Variants in PTPRD observed in about 807,000 individuals in gnomAD.
The protein encoded by PTPRD is protein tyrosine phosphatase receptor type D.
In PTPRD, 34 loss-of-function variants were observed where a neutral mutation model predicts 214.5. The observed-to-expected ratio is 0.16, with a 90% confidence interval of 0.12 to 0.21. PTPRD has a LOEUF of 0.21. Ranked by LOEUF, PTPRD falls within the 10% of genes least tolerant of loss-of-function variation. PTPRD has a pLI of 1.00. For missense variants in PTPRD, 2,545 were observed against 2,398.7 expected, an observed-to-expected ratio of 1.06 and a Z score of -1.27; for synonymous variants, 1,128 against 845.7, an observed-to-expected ratio of 1.33 and a Z score of -5.79.
intron 2 of PTPRD, among the ~76,000 whole-genome samples, chr9:10,580,393 A>T (rs2071309681): frequency 6.6e-6 from 1 of 152,194 alleles, no homozygotes; most frequent in Non-Finnish European, 1.5e-5. Context: ...TTCATCCTTA[A>T]TGTAAAGTAT....
At chr9:9,515,147 G>C (rs1382629118) in intron 8 of PTPRD, among the ~76,000 whole-genome samples, 1 of 152,058 alleles carries the variant, frequency 6.6e-6, no homozygotes, top group Non-Finnish European at 1.5e-5. Context: ...GTGGGTTATT[G>C]TTATTGACCG....
At chr9:9,373,762 G>A (rs961564681) in intron 9 of PTPRD, among the ~76,000 whole-genome samples, 4 of 152,058 alleles carry the variant, frequency 2.6e-5, no homozygotes, top group African/African-American at 9.7e-5. Context: ...GCAAAGATTT[G>A]ACTATGCAGG....
chr9:8,891,399 T>G (rs890547975), intron 11 of PTPRD, among the ~76,000 whole-genome samples: 5 of 151,908 alleles, frequency 3.3e-5, no homozygotes, highest in Admixed American at 2.0e-4. Flanking sequence ...CCCAAAGTGC[T>G]GGGATTACAG....
intron 11 of PTPRD, among the ~76,000 whole-genome samples, chr9:8,868,155 A>T (rs754069933): frequency 1.3e-5 from 2 of 152,088 alleles, no homozygotes; most frequent in Non-Finnish European, 2.9e-5. Context: ...TACTAGCTGA[A>T]CTGGATTCTC....
intron 8 of PTPRD, among the ~76,000 whole-genome samples, chr9:9,520,226 A>T (rs868557365): frequency 6.0e-5 from 9 of 149,064 alleles, no homozygotes; most frequent in South Asian, 2.1e-4. Flanking sequence ...AGAGCACATA[A>T]TTTTTTTGTA....
intron 8 of PTPRD, among the ~76,000 whole-genome samples, chr9:9,456,477 G>A (rs980615305): frequency 6.6e-6 from 1 of 151,772 alleles, no homozygotes. Flanking sequence ...TTTATTCATG[G>A]CTTCCCTGTT....
chr9:9,775,533 G>C (rs1274405300), intron 5 of PTPRD, among the ~76,000 whole-genome samples: 5 of 152,194 alleles, frequency 3.3e-5, no homozygotes, highest in African/African-American at 9.6e-5. Flanking sequence ...GGAGAGAAGA[G>C]TAGTAGATAA....
intron 3 of PTPRD, among the ~76,000 whole-genome samples, chr9:10,191,242 T>C (rs1394595758): frequency 1.3e-5 from 2 of 152,062 alleles, no homozygotes; most frequent in Non-Finnish European, 2.9e-5. Flanking sequence ...AATTTTTACC[T>C]CTGAGAAATA....
intron 10 of PTPRD, among the ~76,000 whole-genome samples, chr9:9,026,818 C>T (rs2099588921): frequency 1.3e-5 from 2 of 151,816 alleles, no homozygotes; most frequent in African/African-American, 4.8e-5. Flanking sequence ...TTCTCATTCT[C>T]TACCGACCCC....
intron 11 of PTPRD, among the ~76,000 whole-genome samples, chr9:8,773,973 C>G (rs2095349983): frequency 6.6e-6 from 1 of 152,172 alleles, no homozygotes; most frequent in Admixed American, 6.5e-5. Context: ...TCTCTCCTGA[C>G]TCCAACCCCA....
chr9:8,446,640 A>T (rs1028474295), intron 34 of PTPRD, among the ~76,000 whole-genome samples: 5 of 152,208 alleles, frequency 3.3e-5, no homozygotes, highest in African/African-American at 1.2e-4. Context: ...GTATATTATT[A>T]ATAAATATTC....
chr9:10,493,872 T>C (rs951294621), intron 2 of PTPRD, among the ~76,000 whole-genome samples: 1 of 152,012 alleles, frequency 6.6e-6, no homozygotes, highest in Admixed American at 6.6e-5. Context: ...TTATACCTAA[T>C]AACTATGATC....
chr9:8,580,285 G>A (rs1360478362), intron 14 of PTPRD, among the ~76,000 whole-genome samples: 2 of 152,128 alleles, frequency 1.3e-5, no homozygotes, highest in Non-Finnish European at 2.9e-5. Context: ...AGACAGATCC[G>A]AAATGATACA....
At chr9:8,729,525 T>C (rs1461052020) in intron 12 of PTPRD, among the ~76,000 whole-genome samples, 2 of 152,280 alleles carry the variant, frequency 1.3e-5, no homozygotes, top group East Asian at 3.9e-4. Flanking sequence ...AATGATATAA[T>C]AACAGCTAAC....
At chr9:10,363,057 G>A (rs999600646) in intron 2 of PTPRD, among the ~76,000 whole-genome samples, 1 of 152,070 alleles carries the variant, frequency 6.6e-6, no homozygotes, top group South Asian at 2.1e-4. Context: ...TGGAAAGTGA[G>A]GTTCTTTGTT....
chr9:10,213,719 A>T lies in PTPRD; in HGVS notation c.-545+127244T>A, dbSNP rs958350754. Among the ~76,000 whole-genome samples, 4 of 152,218 alleles carry T rather than the reference A, an allele frequency of 2.6e-5. No homozygotes were observed. In the South Asian group the frequency reaches 8.3e-4, roughly 32 times the overall value. On this transcript the variant is annotated intron_variant, in intron 3 of 45. Coordinates refer to ENST00000381196, the MANE Select transcript of PTPRD (RefSeq NM_002839.4). ...ATGTTACATTATTTATTGAAGTAAGATCTGCCTTGGAATAATGAGTCCTGG... is the reference window on the plus strand; with the variant it reads ...ATGTTACATTATTTATTGAAGTAAGTTCTGCCTTGGAATAATGAGTCCTGG...
intron 11 of PTPRD, among the ~76,000 whole-genome samples, chr9:8,806,462 C>T (rs1422230580): frequency 6.6e-6 from 1 of 152,154 alleles, no homozygotes; most frequent in Non-Finnish European, 1.5e-5. Context: ...ATCAGCAACA[C>T]TTCCAGAGAT....
chr9:8,875,776 T>C (rs998580873), intron 11 of PTPRD, among the ~76,000 whole-genome samples: 4 of 152,164 alleles, frequency 2.6e-5, no homozygotes, highest in African/African-American at 9.7e-5. Flanking sequence ...TTAGACTTAG[T>C]AAGAGTGGGC....
chr9:8,662,778 A>AT (rs967263226), intron 12 of PTPRD, among the ~76,000 whole-genome samples: 21 of 151,806 alleles, frequency 1.4e-4, no homozygotes, highest in African/African-American at 1.9e-4. Context: ...TAAAATGGAT[A>AT]TTTTTTTTCC....
Sources: allele counts gnomAD v4.1 joint callset (sites outside exome capture counted in the v4.1 genomes callset), GRCh38; gene constraint gnomAD v4.1.1; transcripts MANE v1.5; gene names NCBI Gene and HGNC (gene_info 2026-07-23, HGNC 2026-07-21).